OC90: variants seen among roughly 807,000 people sequenced by gnomAD.
OC90 encodes otoconin 90.
Under a neutral mutation model 47.3 loss-of-function variants are expected in OC90, and 46 were observed. That is an observed-to-expected ratio of 0.97 (90% CI 0.77 to 1.24). The LOEUF is 1.24. Ranked by LOEUF, OC90 falls within the 50% of genes most tolerant of loss-of-function variation. OC90 has a pLI of 0.00. For missense variants in OC90, 688 were observed against 583.9 expected, an observed-to-expected ratio of 1.18 and a Z score of -1.84; for synonymous variants, 271 against 219.5, an observed-to-expected ratio of 1.23 and a Z score of -2.07.
intron 13 of OC90, 118 bp downstream of exon 13, chr8:132,028,952 AAAG>A: frequency 1.5e-6 from 1 of 652,904 alleles, no homozygotes; most frequent in South Asian, 1.9e-5. Flanking sequence ...GAAAAGAAAG[AAAG>A]AAGAAAAGAG....
At chr8:132,054,479 G>C (rs933461657) in intron 2 of OC90, among the ~76,000 whole-genome samples, 3 of 152,134 alleles carry the variant, frequency 2.0e-5, no homozygotes, top group Admixed American at 6.5e-5. Context: ...CTTTGAGTCA[G>C]AAGCCTCAAT....
At chr8:132,053,454 T>G (rs1374641075) in intron 2 of OC90, among the ~76,000 whole-genome samples, 1 of 152,192 alleles carries the variant, frequency 6.6e-6, no homozygotes, top group Non-Finnish European at 1.5e-5. Context: ...CAGTGAGTGG[T>G]GGCCTGCTAG....
intron 12 of OC90, among the ~76,000 whole-genome samples, chr8:132,030,560 G>A (rs911794797): frequency 6.6e-6 from 1 of 152,160 alleles, no homozygotes; most frequent in Non-Finnish European, 1.5e-5. Context: ...TTGTCTCATT[G>A]AGGGCTATGT....
chr8:132,044,289 G>T, intron 4 of OC90, 144 bp downstream of exon 4: 1 of 623,878 alleles, frequency 1.6e-6, no homozygotes, highest in Non-Finnish European at 2.9e-6. Flanking sequence ...TACTCTCGTC[G>T]GAACTTGGGT....
chr8:132,027,041 G>A (rs1416973151), intron 13 of OC90, among the ~76,000 whole-genome samples: 2 of 151,990 alleles, frequency 1.3e-5, no homozygotes, highest in Non-Finnish European at 2.9e-5. Context: ...TGCCCAGTAT[G>A]GCCATCTGGG....
At chr8:132,040,700 T>C (rs1233567022) in intron 6 of OC90, among the ~76,000 whole-genome samples, 1 of 152,232 alleles carries the variant, frequency 6.6e-6, no homozygotes, top group Non-Finnish European at 1.5e-5. Flanking sequence ...CCTCCCCTTT[T>C]TGAGGGTCAG....
chr8:132,046,335 C>A (rs1162372514), intron 2 of OC90, among the ~76,000 whole-genome samples: 4 of 152,156 alleles, frequency 2.6e-5, no homozygotes, highest in Non-Finnish European at 5.9e-5. Context: ...GATGCAGACT[C>A]CGTAAACATT....
At chr8:132,045,216 T>C (rs892858231) in intron 3 of OC90, among the ~76,000 whole-genome samples, 1 of 152,222 alleles carries the variant, frequency 6.6e-6, no homozygotes, top group Non-Finnish European at 1.5e-5. Context: ...CTGATTACTT[T>C]GCAAGTATGG....
chr8:132,039,728 G>T (rs77741329), intron 6 of OC90, among the ~76,000 whole-genome samples: 3,219 of 152,026 alleles, frequency 0.021, 100 homozygotes, highest in African/African-American at 0.072. Context: ...ACCACAACAG[G>T]CCTCTCAGGC....
chr8:132,058,463 C>G (rs1823303320), intron 1 of OC90, among the ~76,000 whole-genome samples: 1 of 152,204 alleles, frequency 6.6e-6, no homozygotes, highest in Admixed American at 6.5e-5. Flanking sequence ...GCTCCCCTAG[C>G]TGTCTCCCAA....
chr8:132,033,187 T>C, intron 10 of OC90, 23 bp from the exon 11 acceptor site: 1 of 1,597,724 alleles, frequency 6.3e-7, no homozygotes, highest in Non-Finnish European at 8.5e-7. Context: ...AACTTCATGA[T>C]TCGGATTCAA....
intron 13 of OC90, among the ~76,000 whole-genome samples, chr8:132,026,678 A>C (rs774215005): frequency 6.6e-5 from 10 of 152,206 alleles, no homozygotes; most frequent in Admixed American, 1.3e-4. Context: ...CAATCTTCAG[A>C]TGCAGTGTTC....
At chr8:132,034,187 G>A (rs981184213) in intron 10 of OC90, among the ~76,000 whole-genome samples, 1 of 152,206 alleles carries the variant, frequency 6.6e-6, no homozygotes, top group Non-Finnish European at 1.5e-5. Flanking sequence ...TAGTGTTAAA[G>A]AAATCTGAGT....
rs1822829921 is a variant in OC90, at chr8:132,028,965, G to A, written c.1138+108C>T. On this transcript the variant is annotated intron_variant, in intron 13 of 13. Coordinates refer to ENST00000254627, the MANE Select transcript of OC90 (RefSeq NM_001080399.3). Reference sequence around the variant, plus strand: ...AGGAAAAGAAAGAAAGAAGAAAAGAGTATTAAGTCACAGTTAAGTGCTTGG... The same window carrying A: ...AGGAAAAGAAAGAAAGAAGAAAAGAATATTAAGTCACAGTTAAGTGCTTGG... 4.0e-6 allele frequency: 3 copies of A among 757,416 alleles called. 1 individual carries two copies. Among genetic ancestry groups the A allele is most frequent in the Middle Eastern group, 4.6e-4 (2 of 4,320 alleles). 46.9% of individuals were successfully genotyped at this position (757,416 alleles called of 1,614,324 possible). A position where few individuals can be genotyped will look rare whatever the true frequency, so the allele number is the denominator to read the frequency against.
chr8:132,030,033 G>A (rs1029686405), intron 12 of OC90, among the ~76,000 whole-genome samples: 1 of 152,070 alleles, frequency 6.6e-6, no homozygotes, highest in Non-Finnish European at 1.5e-5. Flanking sequence ...TTTCCGCATT[G>A]CTAGCAATCA....
At chr8:132,032,553 G>T (rs1188317983) in intron 11 of OC90, among the ~76,000 whole-genome samples, 1 of 152,074 alleles carries the variant, frequency 6.6e-6, no homozygotes, top group Non-Finnish European at 1.5e-5. Flanking sequence ...CTCAAATGCA[G>T]CTTTCTCCAT....
chr8:132,032,751 C>T (rs566355078), intron 11 of OC90, among the ~76,000 whole-genome samples: 25 of 152,224 alleles, frequency 1.6e-4, no homozygotes, highest in East Asian at 3.9e-4. Flanking sequence ...ACGGTGTGGA[C>T]GAAGCCAAGC....
chr8:132,029,949 C>T (rs1057231089), intron 12 of OC90, among the ~76,000 whole-genome samples: 1 of 152,204 alleles, frequency 6.6e-6, no homozygotes, highest in African/African-American at 2.4e-5. Context: ...GCCACAGCTC[C>T]AGCAGGGATA....
intron 2 of OC90, among the ~76,000 whole-genome samples, chr8:132,047,390 G>A (rs1255117336): frequency 6.6e-6 from 1 of 152,120 alleles, no homozygotes; most frequent in Non-Finnish European, 1.5e-5. Flanking sequence ...TCATCTGGGA[G>A]TTACAGTGAG....
Sources: allele counts gnomAD v4.1 joint callset (sites outside exome capture counted in the v4.1 genomes callset), GRCh38; gene constraint gnomAD v4.1.1; transcripts MANE v1.5; gene names NCBI Gene and HGNC (gene_info 2026-07-23, HGNC 2026-07-21).